ALCAM: variants seen among roughly 807,000 people sequenced by gnomAD.
ALCAM encodes CD166 antigen.
ALCAM carries 30 observed loss-of-function variants against 70.9 expected under a neutral mutation model. The ratio of observed to expected loss-of-function variants is 0.42; its 90% CI spans 0.32 to 0.57. The LOEUF (loss-of-function observed/expected upper bound fraction) is 0.57, where lower values mean the gene tolerates loss of function less well. Ranked by LOEUF, ALCAM falls within the 20% of genes least tolerant of loss-of-function variation. The probability of loss-of-function intolerance (pLI) is 0.11; values close to 1 mark genes in which losing one functional copy is unlikely to be tolerated. For synonymous variants in ALCAM, 249 were observed against 242.5 expected (o/e 1.03, Z -0.25); for missense variants, 591 against 695.1 (o/e 0.85, Z 1.68).
intron 1 of ALCAM, among the ~76,000 whole-genome samples, chr3:105,486,222 C>T (rs6769329): frequency 6.6e-6 from 1 of 151,706 alleles, no homozygotes; most frequent in African/African-American, 2.4e-5. Flanking sequence ...GAGAGACACC[C>T]GTCCAAATTA....
intron 1 of ALCAM, among the ~76,000 whole-genome samples, chr3:105,407,579 T>C: frequency 6.6e-6 from 1 of 152,134 alleles, no homozygotes; most frequent in East Asian, 1.9e-4. Context: ...CTTAAGGTAA[T>C]GAAAGCCATC....
intron 1 of ALCAM, among the ~76,000 whole-genome samples, chr3:105,469,001 GAACTGGTCATT>G (rs1937835724): frequency 3.7e-5 from 1 of 27,022 alleles, no homozygotes; most frequent in South Asian, 1.5e-3. Context: ...CAGTTCTTTT[GAACTGGTCATT>G]TTGGTCATTA....
At chr3:105,488,217 T>C (rs1247055412) in intron 1 of ALCAM, among the ~76,000 whole-genome samples, 1 of 152,116 alleles carries the variant, frequency 6.6e-6, no homozygotes, top group East Asian at 1.9e-4. Flanking sequence ...CCTCACCAGA[T>C]GCAGATGCTG....
intron 14 of ALCAM, among the ~76,000 whole-genome samples, chr3:105,569,614 G>A (rs1284004921): frequency 2.0e-5 from 3 of 152,122 alleles, no homozygotes; most frequent in Non-Finnish European, 4.4e-5. Flanking sequence ...GAAGGAAATA[G>A]ACATAAAGGA....
At chr3:105,552,297 A>G in intron 13 of ALCAM, 115 bp downstream of exon 13, 2 of 1,306,558 alleles carry the variant, frequency 1.5e-6, no homozygotes. Context: ...TTAAAATACC[A>G]AAGACAAGAT....
intron 1 of ALCAM, among the ~76,000 whole-genome samples, chr3:105,412,453 A>G (rs1936413755): frequency 6.6e-6 from 1 of 152,162 alleles, no homozygotes; most frequent in Non-Finnish European, 1.5e-5. Context: ...TAGAGGTAAA[A>G]TAAAGGAGAA....
intron 14 of ALCAM, among the ~76,000 whole-genome samples, chr3:105,562,192 C>A (rs1940642863): frequency 6.6e-6 from 1 of 152,186 alleles, no homozygotes; most frequent in Admixed American, 6.5e-5. Context: ...ATAAGAAAAC[C>A]TGTGTAACTC....
intron 3 of ALCAM, among the ~76,000 whole-genome samples, chr3:105,527,624 C>T (rs1939737802): frequency 6.6e-6 from 1 of 151,842 alleles, no homozygotes; most frequent in Non-Finnish European, 1.5e-5. Flanking sequence ...AGAGGAGTTG[C>T]TCCAGCTCTA....
intron 1 of ALCAM, among the ~76,000 whole-genome samples, chr3:105,449,682 A>G (rs948338066): frequency 7.2e-5 from 11 of 152,192 alleles, no homozygotes; most frequent in African/African-American, 1.9e-4. Flanking sequence ...GAACTGTGCC[A>G]CGTAAAGACT....
At chr3:105,568,211 C>T (rs971155850) in intron 14 of ALCAM, among the ~76,000 whole-genome samples, 14 of 151,586 alleles carry the variant, frequency 9.2e-5, no homozygotes, top group Admixed American at 3.9e-4. Context: ...TACAGGCACA[C>T]GCTACCATGC....
chr3:105,531,919 G>T (rs991123641), intron 3 of ALCAM, 83 bp from the exon 4 acceptor site: 3 of 1,067,324 alleles, frequency 2.8e-6, no homozygotes, highest in Non-Finnish European at 4.4e-6. Context: ...TTGAGTAAAT[G>T]AATTGTTTTT....
In ALCAM at chr3:105,552,199, C is replaced by T. The variant is rs758801983; in HGVS notation, c.1546+17C>T. On this transcript the variant is annotated intron_variant, in intron 13 of 15. Coordinates refer to ENST00000306107, the MANE Select transcript of ALCAM (RefSeq NM_001627.4). ...AGATAAGTGGTAGGTACTATGCTGC[C>T]GACTCTTCTTCCTTGACTATCAGCT... is the stretch of plus-strand genomic sequence containing the variant. The T allele has an allele frequency of 6.3e-6, 10 of 1,592,974 alleles. No individual in the cohort carries two copies. The highest frequency in any genetic ancestry group is 1.7e-4 in the Middle Eastern group (1 of 5,968).
At chr3:105,525,652 C>T (rs1939685782) in intron 3 of ALCAM, among the ~76,000 whole-genome samples, 3 of 152,302 alleles carry the variant, frequency 2.0e-5, no homozygotes, top group Admixed American at 2.0e-4. Flanking sequence ...ATAGCCTATG[C>T]AACTAAGTAG....
intron 1 of ALCAM, among the ~76,000 whole-genome samples, chr3:105,462,697 T>C (rs951332640): frequency 2.0e-5 from 3 of 151,372 alleles, no homozygotes; most frequent in Admixed American, 6.6e-5. Context: ...ATAAAACATC[T>C]AAGTTGATGT....
intron 1 of ALCAM, among the ~76,000 whole-genome samples, chr3:105,409,852 A>G (rs946718165): frequency 1.3e-5 from 2 of 152,108 alleles, no homozygotes; most frequent in African/African-American, 4.8e-5. Flanking sequence ...GAGATGTTTT[A>G]TATTCACACC....
chr3:105,445,038 C>T (rs1001518202), intron 1 of ALCAM, among the ~76,000 whole-genome samples: 10 of 152,038 alleles, frequency 6.6e-5, no homozygotes, highest in South Asian at 4.2e-4. Context: ...TTAGTCTATA[C>T]GATATAATCA....
intron 1 of ALCAM, among the ~76,000 whole-genome samples, chr3:105,511,937 A>G (rs544305140): frequency 7.2e-5 from 11 of 152,118 alleles, no homozygotes; most frequent in South Asian, 4.1e-4. Context: ...TACCTCAATT[A>G]TAACACAGCA....
intron 1 of ALCAM, among the ~76,000 whole-genome samples, chr3:105,400,494 A>T (rs1576135597): frequency 6.6e-6 from 1 of 152,188 alleles, no homozygotes; most frequent in East Asian, 1.9e-4. Flanking sequence ...TATCATTTGC[A>T]TTTATATAAT....
intron 14 of ALCAM, among the ~76,000 whole-genome samples, chr3:105,568,773 C>A (rs1940798524): frequency 1.3e-5 from 2 of 152,152 alleles, no homozygotes; most frequent in Admixed American, 1.3e-4. Context: ...CTTTCAATTT[C>A]TACTTTATTT....
Sources: allele counts gnomAD v4.1 joint callset (sites outside exome capture counted in the v4.1 genomes callset), GRCh38; gene constraint gnomAD v4.1.1; transcripts MANE v1.5; gene names NCBI Gene and HGNC (gene_info 2026-07-23, HGNC 2026-07-21).